The following EFCAB8 variants were observed in gnomAD, a reference collection of about 807,000 sequenced individuals.
The protein encoded by EFCAB8 is EF-hand calcium-binding domain-containing protein 8.
A neutral mutation model predicts 116.3 loss-of-function variants in EFCAB8; 100 were observed. The ratio of observed to expected loss-of-function variants is 0.86; its 90% CI spans 0.73 to 1.02. EFCAB8 has a LOEUF of 1.02. Among genes scored for constraint, EFCAB8 ranks in the 50% least tolerant of loss-of-function variants. The pLI, the probability that EFCAB8 is intolerant of heterozygous loss-of-function variation, is 0.00. For synonymous variants in EFCAB8, 558 were observed against 567.9 expected, an observed-to-expected ratio of 0.98 and a Z score of 0.25; for missense variants, 1,320 against 1,416.9, an observed-to-expected ratio of 0.93 and a Z score of 1.10.
chr20:32,961,079 G>C, intron 26 of EFCAB8, 57 bp from the exon 27 acceptor site: 1 of 1,448,346 alleles, frequency 6.9e-7, no homozygotes, highest in South Asian at 1.2e-5. Flanking sequence ...TCTTGATCCT[G>C]GGTGTCCCCG....
At chr20:32,924,785 A>G (rs888779740) in intron 20 of EFCAB8, among the ~76,000 whole-genome samples, 5 of 152,144 alleles carry the variant, frequency 3.3e-5, no homozygotes, top group Admixed American at 6.6e-5. Context: ...TTGAATGTCT[A>G]TTGGTGAGAT....
intron 23 of EFCAB8, among the ~76,000 whole-genome samples, chr20:32,951,202 C>T (rs1988786675): frequency 6.6e-6 from 1 of 152,208 alleles, no homozygotes; most frequent in Non-Finnish European, 1.5e-5. Context: ...TCTATGAAAG[C>T]ATATGCCCGG....
chr20:32,860,940 A>G (rs1216154251), intron 1 of EFCAB8, among the ~76,000 whole-genome samples: 2 of 151,998 alleles, frequency 1.3e-5, no homozygotes, highest in African/African-American at 2.4e-5. Context: ...GGGTTTCACC[A>G]TGTTGCCCAG....
At chr20:32,899,404 C>CAAAA (rs113891250) in intron 11 of EFCAB8, among the ~76,000 whole-genome samples, 3 of 93,698 alleles carry the variant, frequency 3.2e-5, no homozygotes, top group East Asian at 1.0e-3. Flanking sequence ...GACTCCGTCT[C>CAAAA]AAAAAAAAAA....
chr20:32,875,965 T>G lies in EFCAB8; in HGVS notation c.248T>G (p.Val83Gly). The change falls in exon 4 of 27, where the codon GTT becomes GGT. Residue 83 changes from valine (V) to glycine (G), a missense_variant. Physicochemically the swap from Val to Gly is moderately radical, Grantham distance 109 (BLOSUM62 -3). Transcript: ENST00000400522. Reference sequence around the variant, plus strand: ...GCCTTCATCAAGGCCATGAAGAAGGTTCTGAGCAGTGTGTCGGACGAGATG... The same window carrying G: ...GCCTTCATCAAGGCCATGAAGAAGGGTCTGAGCAGTGTGTCGGACGAGATG... ...MDAFIKAMKKVLSSVSDEMLK... is the reference protein window; with the variant it reads ...MDAFIKAMKKGLSSVSDEMLK... 1 of 1,551,950 alleles carries G rather than the reference T, an allele frequency of 6.4e-7. No homozygotes were observed. The highest frequency in any genetic ancestry group is 8.7e-7 in the Non-Finnish European group (1 of 1,147,052).
At chr20:32,952,065 G>C (rs1988813780) in intron 23 of EFCAB8, among the ~76,000 whole-genome samples, 1 of 152,060 alleles carries the variant, frequency 6.6e-6, no homozygotes, top group South Asian at 2.1e-4. Flanking sequence ...TTTGAGACCA[G>C]CCTGGGCAAC....
At chr20:32,916,262 T>C (rs1987179770) in intron 17 of EFCAB8, among the ~76,000 whole-genome samples, 1 of 152,044 alleles carries the variant, frequency 6.6e-6, no homozygotes, top group Non-Finnish European at 1.5e-5. Context: ...TTATTTTTGT[T>C]TTAGTTTTTT....
chr20:32,875,916 C>G lies in EFCAB8; in HGVS notation c.209-10C>G, dbSNP rs1243362945. On this transcript the variant is annotated splice_polypyrimidine_tract_variant and intron_variant, in intron 3 of 26. Transcript: ENST00000400522. ...GGAAGGGGATGATGCTCTCTGTTCT[C>G]TCTTTGAAGCCCTGGGCATGGACGC... 10 of 1,551,034 alleles carry G rather than the reference C, an allele frequency of 6.4e-6. No individual in the cohort carries two copies. The highest frequency in any genetic ancestry group is 8.7e-6 in the Non-Finnish European group (10 of 1,146,488).
intron 23 of EFCAB8, among the ~76,000 whole-genome samples, chr20:32,952,171 A>G (rs973473123): frequency 6.6e-6 from 1 of 152,166 alleles, no homozygotes; most frequent in Non-Finnish European, 1.5e-5. Context: ...AGGCTGAGGC[A>G]GGAGGATTGC....
At chr20:32,892,339 C>T (rs752821941) in intron 8 of EFCAB8, 42 bp downstream of exon 8, 13 of 1,517,642 alleles carry the variant, frequency 8.6e-6, no homozygotes, top group South Asian at 1.2e-5. Context: ...CCAGGAGGCC[C>T]AGGCCTCCTG....
Position 32,913,573 on chromosome 20 carries a change from C to G in EFCAB8, c.1856+709C>G, listed in dbSNP as rs76585286. On this transcript the variant is annotated intron_variant, in intron 17 of 26. Coordinates refer to ENST00000400522, the MANE Select transcript of EFCAB8 (RefSeq NM_001143967.2). Reference sequence around the variant, plus strand: ...CATTTCATCCCAATAGCCCAAAAGTCTTAACTTGTTCCAGTATCAACTTTA... The same window carrying G: ...CATTTCATCCCAATAGCCCAAAAGTGTTAACTTGTTCCAGTATCAACTTTA... 9.0e-4 allele frequency among the ~76,000 whole-genome samples: 137 copies of G among 152,294 alleles called. No homozygotes were observed. The East Asian group carries it at 0.018, about 20-fold the overall frequency.
At chr20:32,883,178 T>C (rs1387781976) in intron 5 of EFCAB8, among the ~76,000 whole-genome samples, 2 of 152,172 alleles carry the variant, frequency 1.3e-5, no homozygotes, top group African/African-American at 4.8e-5. Flanking sequence ...TAGGCCCCAT[T>C]AGAGCATTTC....
chr20:32,878,841 G>A, intron 5 of EFCAB8, 34 bp downstream of exon 5: 1 of 1,533,766 alleles, frequency 6.5e-7, no homozygotes, highest in Non-Finnish European at 8.8e-7. Flanking sequence ...TGGTGGGTGG[G>A]GTGACTGGAC....
chr20:32,918,299 G>A (rs1987283025), intron 18 of EFCAB8, 63 bp from the exon 19 acceptor site: 2 of 1,495,444 alleles, frequency 1.3e-6, no homozygotes, highest in Admixed American at 2.0e-5. Flanking sequence ...TTGATCTGGG[G>A]CAGTCCTGAA....
intron 22 of EFCAB8, among the ~76,000 whole-genome samples, chr20:32,940,464 C>A (rs1295655064): frequency 6.7e-6 from 1 of 148,928 alleles, no homozygotes; most frequent in Non-Finnish European, 1.5e-5. Context: ...ATGTAAGAGC[C>A]AAAATTATAA....
rs138001170 is a variant in EFCAB8, at chr20:32,931,202, G to A, written c.2656G>A (p.Ala886Thr). 296 of 1,549,080 alleles carry A rather than the reference G, an allele frequency of 1.9e-4. No individual in the cohort carries two copies. In the East Asian group the frequency reaches 4.3e-3, roughly 23 times the overall value. Residue 886 changes from alanine (A) to threonine (T), a missense_variant, in exon 22 of 27, where the codon GCA (alanine) becomes ACA (threonine). Ala to Thr is a moderately conservative substitution (Grantham distance 58). Transcript: ENST00000400522. ...IKIWDIKDYC[A>T]LIDKQPFQSS... ...GATCTGGGACATCAAGGATTACTGC[G>A]CATTGATTGATAAACAGCCATTCCA... is the stretch of plus-strand genomic sequence containing the variant.
intron 20 of EFCAB8, among the ~76,000 whole-genome samples, chr20:32,926,731 A>C (rs1280703906): frequency 7.2e-6 from 1 of 139,114 alleles, no homozygotes; most frequent in Admixed American, 7.4e-5. Flanking sequence ...TCATTGTTCA[A>C]TTCCCACCTA....
chr20:32,864,261 C>T (rs1350035390), intron 2 of EFCAB8, among the ~76,000 whole-genome samples: 1 of 151,548 alleles, frequency 6.6e-6, no homozygotes, highest in African/African-American at 2.4e-5. Flanking sequence ...AGGCGTGAGC[C>T]ACCACACCTG....
intron 20 of EFCAB8, among the ~76,000 whole-genome samples, chr20:32,924,890 C>T (rs566930444): frequency 4.2e-4 from 64 of 152,268 alleles, no homozygotes; most frequent in Middle Eastern, 3.4e-3. Context: ...GTCTCCCACC[C>T]GCACCACTCC....
Sources: allele counts gnomAD v4.1 joint callset (sites outside exome capture counted in the v4.1 genomes callset), GRCh38; gene constraint gnomAD v4.1.1; transcripts MANE v1.5; gene names NCBI Gene and HGNC (gene_info 2026-07-23, HGNC 2026-07-21).